The following CDCP1 variants were observed in gnomAD, a reference collection of about 807,000 sequenced individuals.
CDCP1 encodes CUB domain containing protein 1, also known as CUB domain-containing protein 1.
Under a neutral mutation model 60.2 loss-of-function variants are expected in CDCP1, and 29 were observed. The ratio of observed to expected loss-of-function variants is 0.48; its 90% CI spans 0.36 to 0.66. The LOEUF (loss-of-function observed/expected upper bound fraction) is 0.66, where lower values mean the gene tolerates loss of function less well. Among genes scored for constraint, CDCP1 ranks in the 30% least tolerant of loss-of-function variants. The pLI is 0.00. For synonymous variants in CDCP1, 387 were observed against 431.1 expected (o/e 0.90, Z 1.27); for missense variants, 876 against 1,074.3 (o/e 0.82, Z 2.58).
chr3:45,130,124 CTT>C (rs11351394), intron 1 of CDCP1, among the ~76,000 whole-genome samples: 22 of 144,604 alleles, frequency 1.5e-4, no homozygotes, highest in Non-Finnish European at 1.4e-4. Context: ...AATAAAACAA[CTT>C]TTTTTTTTTT....
chr3:45,121,969 A>T (rs1480582853), intron 1 of CDCP1, among the ~76,000 whole-genome samples: 1 of 152,066 alleles, frequency 6.6e-6, no homozygotes, highest in Non-Finnish European at 1.5e-5. Flanking sequence ...GCCTAGGTAT[A>T]TGTAATATTT....
Position 45,112,123 on chromosome 3 carries a change from A to G in CDCP1, c.615T>C (p.Asn205=), listed in dbSNP as rs1233889709. 1.9e-6 allele frequency: 3 copies of G among 1,614,106 alleles called. No individual in the cohort carries two copies. The East Asian group carries it at 6.7e-5, about 36-fold the overall frequency. The part of the protein sequence containing the change: ...ALHLPWFHPR[N]VSGFSIANRS... Reference sequence around the variant, plus strand: ...GGTTTGCAATGCTGAAGCCGGAGACATTTCTGGGGTGGAACCATGGGAGGT... The same window carrying G: ...GGTTTGCAATGCTGAAGCCGGAGACGTTTCTGGGGTGGAACCATGGGAGGT... Residue 205 remains asparagine (N), a synonymous_variant, in exon 3 of 9, where the codon AAT becomes AAC. Transcript: ENST00000296129.
intron 4 of CDCP1, among the ~76,000 whole-genome samples, chr3:45,101,124 G>A (rs1017596062): frequency 2.0e-5 from 3 of 152,208 alleles, no homozygotes; most frequent in Non-Finnish European, 4.4e-5. Context: ...ACCACATGAT[G>A]AGTGCTGAGG....
At position 45,097,751 on chromosome 3, in the gene CDCP1, T is replaced by A. The variant is rs17077271; in HGVS notation, c.1025-2183A>T. 3.7e-3 allele frequency among the ~76,000 whole-genome samples: 565 copies of A among 152,316 alleles called. 4 individuals are homozygous for A. The highest frequency in any genetic ancestry group is 0.013 in the African/African-American group (544 of 41,574). ...GCAGGGAAGCTCGGTGTCAAATTAG[T>A]AGCACAATTAGGAAAATGTTTTATG... On this transcript the variant is annotated intron_variant, in intron 4 of 8. Transcript: ENST00000296129.
At position 45,085,753 on chromosome 3, in the gene CDCP1, G is replaced by C; in HGVS notation, c.2396C>G (p.Pro799Arg). ...GGTGTACGGTTCACTCTCAGACTCA[G>C]GAGGGGAGCGAGGAGGTGGCTCCTC... Reference protein sequence around the residue: ...ATEEPPPRSPPESESEPYTFS... With the variant: ...ATEEPPPRSPRESESEPYTFS... The change falls in exon 9 of 9, where the codon CCT becomes CGT. Residue 799 changes from proline (P) to arginine (R), a missense_variant. Pro to Arg is a moderately radical substitution (Grantham distance 103). Around this residue, in one of 2 missense-constraint regions of CDCP1, gnomAD observed 726 missense variants for 935.7 expected, o/e 0.78. Coordinates refer to ENST00000296129, the MANE Select transcript of CDCP1 (RefSeq NM_022842.5). This position sits in a 1 kb window ranked among gnomAD's most constrained non-coding sequence, Gnocchi z 4.2. The C allele has an allele frequency of 6.2e-7, 1 of 1,614,198 alleles. No individual in the cohort carries two copies. Among genetic ancestry groups the C allele is most frequent in the Non-Finnish European group, 8.5e-7 (1 of 1,180,042 alleles).
chr3:45,094,895 C>T (rs1698368998), intron 5 of CDCP1, among the ~76,000 whole-genome samples: 1 of 151,654 alleles, frequency 6.6e-6, no homozygotes, highest in Admixed American at 6.6e-5. Context: ...TTGACACCCA[C>T]TCTGCTTGCC....
intron 1 of CDCP1, among the ~76,000 whole-genome samples, chr3:45,134,037 C>T (rs1340449886): frequency 6.6e-6 from 1 of 152,214 alleles, no homozygotes; most frequent in Non-Finnish European, 1.5e-5. Flanking sequence ...CAGATTGCAG[C>T]ACCCACCCAC....
chr3:45,146,448 C>T (rs1167672798), upstream of CDCP1: 2 of 533,258 alleles, frequency 3.8e-6, no homozygotes, highest in Non-Finnish European at 6.5e-6. Context: ...CGAGCTGACC[C>T]GGTGCGTCCC....
rs370295626 is a variant in CDCP1, at chr3:45,091,229, G to A, written c.1937C>T (p.Thr646Met). The change falls in exon 7 of 9, where the codon ACG (threonine) becomes ATG (methionine). Residue 646 changes from threonine (T) to methionine (M), a missense_variant. This residue lies in a region of CDCP1 where 726 missense variants were observed against 935.7 expected (regional missense o/e 0.78). Coordinates refer to ENST00000296129, the MANE Select transcript of CDCP1 (RefSeq NM_022842.5). This position sits in a 1 kb window ranked among gnomAD's most constrained non-coding sequence, Gnocchi z 4.8. ...GAGCAGGTCTAGCTGCTTGCCGCTC[G>A]TGGGGCTGCAGTTAGAGATGTTGAC... ...FWVNISNCSP[T>M]SGKQLDLLFS... 1.7e-5 allele frequency: 28 copies of A among 1,613,738 alleles called. No homozygotes were observed. The East Asian group carries it at 2.5e-4, about 14-fold the overall frequency.
chr3:45,114,106 T>C (rs1437230489), intron 2 of CDCP1, among the ~76,000 whole-genome samples: 3 of 152,226 alleles, frequency 2.0e-5, no homozygotes, highest in South Asian at 2.1e-4. Context: ...TTTAATTCTA[T>C]AGTAAAATCT....
Position 45,112,300 on chromosome 3 carries a change from C to G in CDCP1, c.438G>C (p.Leu146=), listed in dbSNP as rs1414882048. The G allele has an allele frequency of 1.2e-6, 2 of 1,614,070 alleles. No homozygotes were observed. Among genetic ancestry groups the G allele is most frequent in the African/African-American group, 2.7e-5 (2 of 74,932 alleles). ...GLELQFSIPR[L]RQIGPGESCP... ...AGCTCTCACCCGGACCGATCTGCCT[C>G]AGGCGAGGGATGGAAAACTGCAGCT... The change falls in exon 3 of 9, where the codon CTG becomes CTC. Residue 146 remains leucine, a synonymous_variant. Coordinates refer to ENST00000296129, the MANE Select transcript of CDCP1 (RefSeq NM_022842.5).
chr3:45,082,859 C>T lies in CDCP1; in HGVS notation c.*2779G>A, dbSNP rs12947. 0.69 allele frequency: 105,021 copies of T among 152,198 alleles called. 39,257 individuals carry two copies. Among genetic ancestry groups the T allele is most frequent in the East Asian group, 0.9 (4,656 of 5,174 alleles). The allele number at this position is 152,198 out of a possible 1,614,324, so 9.4% of individuals were successfully genotyped here. On this transcript the variant is annotated 3_prime_UTR_variant, in exon 9 of 9. Coordinates refer to ENST00000296129, the MANE Select transcript of CDCP1 (RefSeq NM_022842.5). Reference sequence around the variant, plus strand: ...TTTCCAGTGACCCTGAAATGTTTTACGTAAGTGGGGCCTGGGCTTTAAAGA... The same window carrying T: ...TTTCCAGTGACCCTGAAATGTTTTATGTAAGTGGGGCCTGGGCTTTAAAGA...
intron 1 of CDCP1, among the ~76,000 whole-genome samples, chr3:45,138,907 G>A (rs1360547515): frequency 4.6e-5 from 7 of 152,188 alleles, no homozygotes; most frequent in East Asian, 1.9e-4. Flanking sequence ...GGTTTATTTA[G>A]CTCATGATTC....
chr3:45,117,071 T>G lies in CDCP1; in HGVS notation c.292+1341A>C, dbSNP rs1424743681. Among the ~76,000 whole-genome samples, 3 of 152,250 alleles carry G rather than the reference T, an allele frequency of 2.0e-5. No individual in the cohort carries two copies. In the East Asian group the frequency reaches 5.8e-4, roughly 29 times the overall value. ...AGGTCTTGGTATTAGTCATTAAGTG[T>G]AGTTTTTAAAATTGATTTCTAATAC... On this transcript the variant is annotated intron_variant, in intron 2 of 8. Coordinates refer to ENST00000296129, the MANE Select transcript of CDCP1 (RefSeq NM_022842.5).
At chr3:45,107,086 C>CTTATAATCT in intron 4 of CDCP1, among the ~76,000 whole-genome samples, 1 of 152,220 alleles carries the variant, frequency 6.6e-6, no homozygotes, top group African/African-American at 2.4e-5. Context: ...ACTCTCCTGC[C>CTTATAATCT]TCCAACCTCA....
At chr3:45,113,721 G>T (rs766655645) in intron 2 of CDCP1, among the ~76,000 whole-genome samples, 5 of 152,194 alleles carry the variant, frequency 3.3e-5, no homozygotes, top group Non-Finnish European at 7.3e-5. Flanking sequence ...GAAAGCTCAG[G>T]CTGTGTTTGG....
chr3:45,134,359 C>T (rs781044360), intron 1 of CDCP1, among the ~76,000 whole-genome samples: 69 of 152,124 alleles, frequency 4.5e-4, no homozygotes, highest in Admixed American at 1.4e-3. Flanking sequence ...CTCCTGACCT[C>T]GTGATCTCCC....
chr3:45,112,269 C>T lies in CDCP1; in HGVS notation c.469G>A (p.Asp157Asn). 3.1e-6 allele frequency: 5 copies of T among 1,614,204 alleles called. No homozygotes were observed. Among genetic ancestry groups the T allele is most frequent in the Non-Finnish European group, 4.2e-6 (5 of 1,180,028 alleles). The change falls in exon 3 of 9, where the codon GAC (aspartate) becomes AAC (asparagine). Residue 157 changes from aspartate (D) to asparagine (N), a missense_variant. Around this residue, in one of 2 missense-constraint regions of CDCP1, gnomAD observed 726 missense variants for 935.7 expected, o/e 0.78. Transcript: ENST00000296129. ...CCGCTGATGGAGTGAGTGACTCCGT[C>T]TGGGCAGCTCTCACCCGGACCGATC... ...RQIGPGESCP[D>N]GVTHSISGRI...
chr3:45,095,793 T>G (rs1406655149), intron 4 of CDCP1, among the ~76,000 whole-genome samples: 1 of 152,036 alleles, frequency 6.6e-6, no homozygotes, highest in Non-Finnish European at 1.5e-5. Context: ...AGAAAATCAT[T>G]AAAAATGTGG....
Sources: allele counts gnomAD v4.1 joint callset (sites outside exome capture counted in the v4.1 genomes callset), GRCh38; gene constraint gnomAD v4.1.1; regional missense constraint gnomAD v4.1.1; non-coding constraint Gnocchi (gnomAD v3.1); transcripts MANE v1.5; gene names NCBI Gene and HGNC (gene_info 2026-07-23, HGNC 2026-07-21).